Variants in RAB2A observed in about 807,000 individuals in gnomAD.
RAB2A encodes RAB2A, member RAS oncogene family.
RAB2A carries 7 observed loss-of-function variants against 32.5 expected under a neutral mutation model. That is an observed-to-expected ratio of 0.22 (90% CI 0.12 to 0.40). The LOEUF is 0.40. Among genes scored for constraint, RAB2A ranks in the 10% least tolerant of loss-of-function variants. The pLI is 1.00. For synonymous variants in RAB2A, 79 were observed against 85.2 expected (o/e 0.93, Z 0.40); for missense variants, 108 against 260.7 (o/e 0.41, Z 4.03).
chr8:60,560,852 C>T (rs1030544167), intron 2 of RAB2A, among the ~76,000 whole-genome samples: 32 of 152,076 alleles, frequency 2.1e-4, no homozygotes, highest in Admixed American at 1.3e-3. Context: ...AGATCAGACA[C>T]CTCTGCCATA....
intron 2 of RAB2A, 98 bp downstream of exon 2, chr8:60,559,021 A>T: frequency 1.2e-6 from 1 of 836,128 alleles, no homozygotes; most frequent in Non-Finnish European, 2.0e-6. Flanking sequence ...TGCTAAAATC[A>T]GTGAAACTGG....
intron 6 of RAB2A, among the ~76,000 whole-genome samples, chr8:60,593,398 C>A (rs923971488): frequency 6.6e-6 from 1 of 152,106 alleles, no homozygotes; most frequent in Non-Finnish European, 1.5e-5. Context: ...CTAGAAAGGT[C>A]AACAGGCACA....
At chr8:60,579,745 A>C (rs969874391) in intron 3 of RAB2A, among the ~76,000 whole-genome samples, 10 of 151,622 alleles carry the variant, frequency 6.6e-5, no homozygotes, top group Non-Finnish European at 1.3e-4. Flanking sequence ...CTCCTGCCTC[A>C]GCTTCCCGAG....
chr8:60,601,483 A>G (rs970928411), intron 6 of RAB2A, among the ~76,000 whole-genome samples: 1 of 152,146 alleles, frequency 6.6e-6, no homozygotes, highest in Admixed American at 6.5e-5. Context: ...GACTACAGGC[A>G]TGTGCCACCA....
chr8:60,590,504 A>G (rs1004823461), intron 5 of RAB2A, among the ~76,000 whole-genome samples: 2 of 148,292 alleles, frequency 1.3e-5, no homozygotes, highest in African/African-American at 4.9e-5. Flanking sequence ...CTGCCCTGGA[A>G]AAGCCTTGGC....
At chr8:60,539,256 G>A (rs1247024574) in intron 1 of RAB2A, among the ~76,000 whole-genome samples, 2 of 152,172 alleles carry the variant, frequency 1.3e-5, no homozygotes, top group African/African-American at 4.8e-5. Flanking sequence ...CATGTGATAA[G>A]TGCTTAATCA....
chr8:60,544,638 C>G (rs1807700697), intron 1 of RAB2A, among the ~76,000 whole-genome samples: 1 of 139,896 alleles, frequency 7.1e-6, no homozygotes, highest in African/African-American at 2.7e-5. Flanking sequence ...TCAAGTGATT[C>G]TCCCACCTCC....
chr8:60,553,501 C>G (rs1207374885), intron 1 of RAB2A, among the ~76,000 whole-genome samples: 3 of 152,166 alleles, frequency 2.0e-5, no homozygotes, highest in Non-Finnish European at 4.4e-5. Flanking sequence ...ATTATGCACA[C>G]AGAAAAATGC....
chr8:60,519,292 T>C (rs1024348201), intron 1 of RAB2A, among the ~76,000 whole-genome samples: 2 of 152,254 alleles, frequency 1.3e-5, no homozygotes, highest in Non-Finnish European at 2.9e-5. Flanking sequence ...GTGAACTCTA[T>C]ATTTTAGCCC....
At chr8:60,554,953 A>G (rs1331510859) in intron 1 of RAB2A, among the ~76,000 whole-genome samples, 1 of 152,220 alleles carries the variant, frequency 6.6e-6, no homozygotes. Flanking sequence ...AGTGTTGAGG[A>G]AGACCTCCAG....
intron 7 of RAB2A, among the ~76,000 whole-genome samples, chr8:60,619,297 C>T (rs1804495056): frequency 6.6e-6 from 1 of 151,974 alleles, no homozygotes. Flanking sequence ...CCCCACTCTG[C>T]ATTTATCTGT....
intron 1 of RAB2A, among the ~76,000 whole-genome samples, chr8:60,539,220 G>C (rs1807601592): frequency 6.6e-6 from 1 of 152,108 alleles, no homozygotes; most frequent in African/African-American, 2.4e-5. Flanking sequence ...AGTAAAGCTA[G>C]ATATATAAAC....
intron 1 of RAB2A, among the ~76,000 whole-genome samples, chr8:60,545,507 G>A (rs1807713829): frequency 6.6e-6 from 1 of 152,040 alleles, no homozygotes; most frequent in Non-Finnish European, 1.5e-5. Context: ...GAACTCCTGG[G>A]CTCAAGCAGT....
intron 1 of RAB2A, among the ~76,000 whole-genome samples, chr8:60,551,195 T>G (rs1807842431): frequency 6.6e-6 from 1 of 152,188 alleles, no homozygotes; most frequent in Admixed American, 6.5e-5. Flanking sequence ...TGCAACTGAT[T>G]CTATTTCTCT....
chr8:60,592,011 T>C (rs779593461), intron 6 of RAB2A, 42 bp downstream of exon 6: 5 of 1,193,142 alleles, frequency 4.2e-6, no homozygotes, highest in Non-Finnish European at 6.0e-6. Context: ...TTATACTTAA[T>C]AGAAATGTTT....
intron 6 of RAB2A, among the ~76,000 whole-genome samples, chr8:60,607,384 G>A (rs1452003779): frequency 1.4e-5 from 2 of 139,248 alleles, no homozygotes; most frequent in Admixed American, 7.3e-5. Context: ...AGCCGAGATC[G>A]CGCCACTGCA....
chr8:60,589,199 C>G (rs184383110), intron 5 of RAB2A, among the ~76,000 whole-genome samples: 134 of 152,284 alleles, frequency 8.8e-4, no homozygotes, highest in Non-Finnish European at 1.6e-3. Flanking sequence ...TGATGAGTGA[C>G]AGCTTACTGG....
intron 2 of RAB2A, 42 bp from the exon 3 acceptor site, chr8:60,572,004 T>G (rs766778919): frequency 1.4e-6 from 2 of 1,393,592 alleles, no homozygotes; most frequent in Middle Eastern, 1.8e-4. Context: ...GTGAGATATA[T>G]TCCCACTAAT....
intron 3 of RAB2A, among the ~76,000 whole-genome samples, chr8:60,581,372 A>T (rs1563476979): frequency 6.6e-6 from 1 of 152,270 alleles, no homozygotes; most frequent in Admixed American, 6.5e-5. Context: ...TAGTGTATAC[A>T]GTGAAGATAG....
Sources: allele counts gnomAD v4.1 joint callset (sites outside exome capture counted in the v4.1 genomes callset), GRCh38; gene constraint gnomAD v4.1.1; transcripts MANE v1.5; gene names NCBI Gene and HGNC (gene_info 2026-07-23, HGNC 2026-07-21).